The following MPP3 variants were observed in gnomAD, a reference collection of about 807,000 sequenced individuals.
The protein encoded by MPP3 is MAGUK p55 scaffold protein 3, also known as MAGUK p55 subfamily member 3.
In MPP3, 48 loss-of-function variants were observed where a neutral mutation model predicts 80.7. That is an observed-to-expected ratio of 0.59 (90% confidence interval 0.47 to 0.76). MPP3 has a LOEUF of 0.76. MPP3 is among the 30% of genes least tolerant of loss of function. MPP3 has a pLI of 0.00. For synonymous variants in MPP3, 311 were observed against 297.6 expected (o/e 1.04, Z -0.46); for missense variants, 620 against 763.0 (o/e 0.81, Z 2.21).
intron 16 of MPP3, chr17:43,811,576 G>GT (rs376000535): frequency 0.012 from 1,950 of 167,844 alleles, 12 homozygotes; most frequent in African/African-American, 0.027. Flanking sequence ...CTGATGCTGT[G>GT]TTTTTTTTTT....
intron 16 of MPP3, 147 bp from the exon 17 acceptor site, chr17:43,811,352 C>T (rs1427101446): frequency 4.7e-6 from 3 of 632,566 alleles, no homozygotes; most frequent in African/African-American, 1.8e-5. Flanking sequence ...CTGTATCAGG[C>T]ACTGTGCCTT....
chr17:43,830,437 A>C (rs953931891), intron 5 of MPP3, among the ~76,000 whole-genome samples: 1 of 152,192 alleles, frequency 6.6e-6, no homozygotes, highest in Non-Finnish European at 1.5e-5. Flanking sequence ...AAAGAGATTA[A>C]ACATTTTGCC....
rs1459294226 is a variant in MPP3, at chr17:43,801,738, T to C, written c.1721A>G (p.Lys574Arg). The C allele has an allele frequency of 6.2e-7, 1 of 1,614,154 alleles. No homozygotes were observed. ...QLKVVLEKLS[K>R]DTHWVPVSWV... ...ACTAACAGGTACCCAGTGAGTGTCC[T>C]TGCTCAGCTTCTCTAAGACCACTTT... The change falls in exon 20 of 20, where the codon AAG becomes AGG. Residue 574 changes from lysine to arginine, a missense_variant. Physicochemically the swap from Lys to Arg is conservative, Grantham distance 26. Coordinates refer to ENST00000398389, the MANE Select transcript of MPP3 (RefSeq NM_001932.6).
intron 12 of MPP3, 58 bp downstream of exon 12, chr17:43,817,988 C>G: frequency 6.8e-7 from 1 of 1,474,680 alleles, no homozygotes. Context: ...CAGCCTGAAT[C>G]CTCCCTCGCC....
chr17:43,821,757 G>A (rs1163381505), intron 10 of MPP3, among the ~76,000 whole-genome samples: 1 of 151,984 alleles, frequency 6.6e-6, no homozygotes, highest in East Asian at 1.9e-4. Context: ...TCTATTTTCA[G>A]ACCATTAGGG....
chr17:43,809,161 G>A, intron 18 of MPP3, 83 bp from the exon 19 acceptor site: 1 of 1,404,090 alleles, frequency 7.1e-7, no homozygotes, highest in South Asian at 1.5e-5. Context: ...ATAATCGTGT[G>A]CTTCAATACC....
At chr17:43,832,921 G>A (rs2046042759) in intron 1 of MPP3, 102 bp from the exon 2 acceptor site, 1 of 152,840 alleles carries the variant, frequency 6.5e-6, no homozygotes, top group Non-Finnish European at 1.5e-5. Flanking sequence ...CGGGGGGCGC[G>A]CGGCGGGGCG....
chr17:43,814,124 C>A, intron 15 of MPP3, 33 bp from the exon 16 acceptor site: 1 of 1,604,988 alleles, frequency 6.2e-7, no homozygotes. Context: ...ACCAGGGTCC[C>A]TGCTGAGCTC....
chr17:43,832,540 G>A (rs1427583457), intron 2 of MPP3, among the ~76,000 whole-genome samples: 2 of 152,228 alleles, frequency 1.3e-5, no homozygotes, highest in Non-Finnish European at 2.9e-5. Flanking sequence ...ATGCAGGAGG[G>A]GGGACCCCTA....
intron 13 of MPP3, 112 bp downstream of exon 13, chr17:43,816,565 A>T (rs1395288293): frequency 2.0e-6 from 2 of 983,910 alleles, no homozygotes; most frequent in Non-Finnish European, 3.2e-6. Flanking sequence ...GTGCGCAGAC[A>T]GTGGGAGGGG....
intron 19 of MPP3, 92 bp downstream of exon 19, chr17:43,808,864 C>T: frequency 7.0e-7 from 1 of 1,423,714 alleles, no homozygotes; most frequent in South Asian, 1.5e-5. Context: ...CCGCATCCCT[C>T]TTCAGCTGCA....
chr17:43,803,819 C>T (rs941871707), intron 19 of MPP3, among the ~76,000 whole-genome samples: 2 of 152,216 alleles, frequency 1.3e-5, no homozygotes, highest in African/African-American at 4.8e-5. Context: ...AACAGCCTCA[C>T]TGTGACCCTG....
intron 16 of MPP3, among the ~76,000 whole-genome samples, chr17:43,812,951 CCA>C (rs2044937608): frequency 6.6e-6 from 1 of 152,192 alleles, no homozygotes; most frequent in African/African-American, 2.4e-5. Context: ...CTCTGACAAC[CCA>C]CAGACTAGAC....
chr17:43,802,340 T>G (rs2044445538), intron 19 of MPP3, among the ~76,000 whole-genome samples: 1 of 152,232 alleles, frequency 6.6e-6, no homozygotes, highest in Admixed American at 6.5e-5. Context: ...TGCAATCAAC[T>G]GGTGGAAGAA....
At chr17:43,807,600 T>C (rs2044673897) in intron 19 of MPP3, among the ~76,000 whole-genome samples, 1 of 152,028 alleles carries the variant, frequency 6.6e-6, no homozygotes, top group South Asian at 2.1e-4. Context: ...GACACAGGTG[T>C]GAGCCACCGT....
chr17:43,828,182 C>T (rs1393159160), intron 7 of MPP3, among the ~76,000 whole-genome samples: 1 of 152,188 alleles, frequency 6.6e-6, no homozygotes, highest in African/African-American at 2.4e-5. Flanking sequence ...GTTCCTACCA[C>T]TTGCAAAGAC....
intron 19 of MPP3, among the ~76,000 whole-genome samples, chr17:43,806,338 G>T (rs9905238): frequency 6.6e-6 from 1 of 151,362 alleles, no homozygotes; most frequent in Non-Finnish European, 1.5e-5. Context: ...GCTAATTTTT[G>T]TATTTTTAGT....
In MPP3 at chr17:43,814,228, G is replaced by A. The variant is rs368475221; in HGVS notation, c.1143C>T (p.Pro381=). The change falls in exon 15 of 20, where the codon CCC becomes CCT. Residue 381 remains proline, a synonymous_variant. Coordinates refer to ENST00000398389, the MANE Select transcript of MPP3 (RefSeq NM_001932.6). ...YEEVARYQHQ[P]GERPRLVVLI... ...GAACCACCAGGCGGGGCCGCTCTCC[G>A]GGCTGGTGTTGGTACCTGGCCACCT... 2.9e-5 allele frequency: 47 copies of A among 1,613,470 alleles called. No individual in the cohort carries two copies. The highest frequency in any genetic ancestry group is 3.3e-4 in the Middle Eastern group (2 of 6,084).
At chr17:43,818,624 C>T (rs1347374334) in intron 11 of MPP3, among the ~76,000 whole-genome samples, 3 of 152,140 alleles carry the variant, frequency 2.0e-5, no homozygotes, top group African/African-American at 7.2e-5. Flanking sequence ...TAGATTTCCA[C>T]ATTTAAATGC....
Sources: allele counts gnomAD v4.1 joint callset (sites outside exome capture counted in the v4.1 genomes callset), GRCh38; gene constraint gnomAD v4.1.1; transcripts MANE v1.5; gene names NCBI Gene and HGNC (gene_info 2026-07-23, HGNC 2026-07-21).